The following AUTS2 variants were observed in gnomAD, a reference collection of about 807,000 sequenced individuals.
AUTS2 encodes autism susceptibility gene 2 protein.
AUTS2 carries 17 observed loss-of-function variants against 112.4 expected under a neutral mutation model. The ratio of observed to expected loss-of-function variants is 0.15; its 90% CI spans 0.10 to 0.23. The LOEUF (loss-of-function observed/expected upper bound fraction) is 0.23, where lower values mean the gene tolerates loss of function less well. Ranked by LOEUF, AUTS2 falls within the 10% of genes least tolerant of loss-of-function variation. The pLI is 1.00. For missense variants in AUTS2, 1,510 were observed against 1,701.6 expected (o/e 0.89, Z 1.98); for synonymous variants, 751 against 702.7 (o/e 1.07, Z -1.09).
intron 4 of AUTS2, among the ~76,000 whole-genome samples, chr7:70,378,052 A>C (rs1793198697): frequency 6.6e-6 from 1 of 151,982 alleles, no homozygotes; most frequent in Non-Finnish European, 1.5e-5. Flanking sequence ...CTGGTATTAC[A>C]GGCGTGAGCC....
rs371714496 is a variant in AUTS2 at position 70,764,879 on chromosome 7, C to T, written c.1342C>T (p.Leu448Phe). 16 of 1,602,492 alleles carry T rather than the reference C, an allele frequency of 1.0e-5. No individual in the cohort carries two copies. The African/African-American group carries it at 1.6e-4, about 16-fold the overall frequency. The change falls in exon 8 of 19, where the codon CTC (leucine) becomes TTC (phenylalanine). Residue 448 changes from leucine to phenylalanine, a missense_variant. Around this residue, in one of 3 missense-constraint regions of AUTS2, gnomAD observed 535 missense variants for 594.3 expected, o/e 0.90. Coordinates refer to ENST00000342771, the MANE Select transcript of AUTS2 (RefSeq NM_015570.4). ...CCCCCTGCACAGCTTCACACCCACC[C>T]TCCAGCCCCCCGCACACTCACATCA... The part of the protein sequence containing the change: ...HSPLHSFTPT[L>F]QPPAHSHHPN...
chr7:70,615,385 C>G (rs543496002), intron 5 of AUTS2, among the ~76,000 whole-genome samples: 1 of 152,180 alleles, frequency 6.6e-6, no homozygotes, highest in African/African-American at 2.4e-5. Context: ...CAACTTCTGT[C>G]GAACTAAGAC....
At position 70,753,981 on chromosome 7, in the gene AUTS2, C is replaced by T. The variant is rs1789026276; in HGVS notation, c.743-8889C>T. Among the ~76,000 whole-genome samples, 3 of 151,054 alleles carry T rather than the reference C, an allele frequency of 2.0e-5. No individual in the cohort carries two copies. The South Asian group carries it at 6.3e-4, about 32-fold the overall frequency. On this transcript the variant is annotated intron_variant, in intron 6 of 18. Coordinates refer to ENST00000342771, the MANE Select transcript of AUTS2 (RefSeq NM_015570.4). Reference sequence around the variant, plus strand: ...ACCATCCTGGCTAACACGGTGAAACCCCGTCTCTATTAAAAATACAAAAAA... The same window carrying T: ...ACCATCCTGGCTAACACGGTGAAACTCCGTCTCTATTAAAAATACAAAAAA...
chr7:70,504,530 A>T (rs1798889187), intron 5 of AUTS2, among the ~76,000 whole-genome samples: 1 of 152,198 alleles, frequency 6.6e-6, no homozygotes. Flanking sequence ...ATAGCAGTGT[A>T]GATGTGTGAG....
At chr7:70,110,124 A>T (rs1460639656) in intron 2 of AUTS2, among the ~76,000 whole-genome samples, 1 of 152,228 alleles carries the variant, frequency 6.6e-6, no homozygotes, top group Non-Finnish European at 1.5e-5. Flanking sequence ...TATAGTAATG[A>T]TGTCAAAGTC....
chr7:69,625,635 G>T (rs907914834), intron 1 of AUTS2, among the ~76,000 whole-genome samples: 8 of 152,160 alleles, frequency 5.3e-5, no homozygotes, highest in Non-Finnish European at 1.0e-4. Context: ...GAGGCTGGAG[G>T]ATCCCTTGAG....
intron 2 of AUTS2, among the ~76,000 whole-genome samples, chr7:69,940,081 T>C (rs888335110): frequency 2.0e-5 from 3 of 152,200 alleles, no homozygotes; most frequent in South Asian, 4.2e-4. Context: ...ATGCTATTAT[T>C]ATCATTTCTA....
intron 5 of AUTS2, among the ~76,000 whole-genome samples, chr7:70,445,163 G>A (rs376846861): frequency 6.6e-6 from 1 of 152,112 alleles, no homozygotes; most frequent in East Asian, 1.9e-4. Flanking sequence ...CTCTGTTAGG[G>A]CTTTTCAAGG....
chr7:70,467,007 A>G (rs1201429863), intron 5 of AUTS2, among the ~76,000 whole-genome samples: 1 of 152,240 alleles, frequency 6.6e-6, no homozygotes, highest in East Asian at 1.9e-4. Flanking sequence ...AGATCAAATA[A>G]GCAAGATTTG....
chr7:70,414,026 G>A (rs990212643), intron 4 of AUTS2, among the ~76,000 whole-genome samples: 1 of 152,152 alleles, frequency 6.6e-6, no homozygotes, highest in African/African-American at 2.4e-5. Context: ...AAAAGAACAA[G>A]GAGACTTCAG....
chr7:70,092,443 A>G (rs961394273), intron 2 of AUTS2, among the ~76,000 whole-genome samples: 2 of 152,090 alleles, frequency 1.3e-5, no homozygotes, highest in African/African-American at 4.8e-5. Context: ...ACATCCATAT[A>G]CTGGAAGTCC....
chr7:70,546,713 A>G (rs1800800099), intron 5 of AUTS2, among the ~76,000 whole-genome samples: 1 of 151,440 alleles, frequency 6.6e-6, no homozygotes, highest in Admixed American at 6.6e-5. Flanking sequence ...CGGGAGGTGG[A>G]GCTTTCAGTG....
rs1007095366 is a variant in AUTS2, at chr7:70,188,282, C to A, written c.660+53711C>A. ...CCACAGCTGTTCCTTGAGTAAGATC[C>A]GGGCTTGAAAGGCCAAGTTCTTCTA... On this transcript the variant is annotated intron_variant, in intron 4 of 18. Coordinates refer to ENST00000342771, the MANE Select transcript of AUTS2 (RefSeq NM_015570.4). Among the ~76,000 whole-genome samples, 30 of 152,164 alleles carry A rather than the reference C, an allele frequency of 2.0e-4. 1 individual carries two copies. The highest frequency in any genetic ancestry group is 7.2e-4 in the African/African-American group (30 of 41,502).
intron 6 of AUTS2, among the ~76,000 whole-genome samples, chr7:70,721,459 C>T (rs34942772): frequency 0.12 from 18,523 of 152,022 alleles, 1,634 homozygotes; most frequent in East Asian, 0.38. Flanking sequence ...CCACAATGCC[C>T]GGCTGATTTT....
chr7:70,439,121 G>A (rs1796016106), intron 5 of AUTS2, among the ~76,000 whole-genome samples: 1 of 152,184 alleles, frequency 6.6e-6, no homozygotes, highest in Non-Finnish European at 1.5e-5. Flanking sequence ...CTAAATGCAG[G>A]AGACACACTT....
At chr7:70,228,159 A>G (rs1201518704) in intron 4 of AUTS2, among the ~76,000 whole-genome samples, 1 of 151,550 alleles carries the variant, frequency 6.6e-6, no homozygotes, top group Non-Finnish European at 1.5e-5. Flanking sequence ...TATCATTATA[A>G]AATCTCTTTG....
chr7:70,159,086 C>T (rs1302096543), intron 4 of AUTS2, among the ~76,000 whole-genome samples: 4 of 152,134 alleles, frequency 2.6e-5, no homozygotes, highest in Non-Finnish European at 5.9e-5. Flanking sequence ...TTATTTTAAT[C>T]ATCTCCTCTC....
intron 2 of AUTS2, among the ~76,000 whole-genome samples, chr7:70,092,600 G>T (rs1458784561): frequency 6.6e-6 from 1 of 152,174 alleles, no homozygotes; most frequent in African/African-American, 2.4e-5. Context: ...ATGAGCTTAA[G>T]AGAGTGTGAG....
rs556505039 is a variant in AUTS2 at position 69,917,518 on chromosome 7, G to T, written c.522+18020G>T. Reference sequence around the variant, plus strand: ...AAAGGGATCCCCTATAGCTTTAAGGGGCCTGCTGGTTTTTTGTTAACATGG... The same window carrying T: ...AAAGGGATCCCCTATAGCTTTAAGGTGCCTGCTGGTTTTTTGTTAACATGG... On this transcript the variant is annotated intron_variant, in intron 2 of 18. Transcript: ENST00000342771. Among the ~76,000 whole-genome samples the T allele has an allele frequency of 1.8e-4, 27 of 146,432 alleles. 1 individual carries two copies. Among genetic ancestry groups the T allele is most frequent in the South Asian group, 4.2e-4 (2 of 4,798 alleles).
Sources: gnomAD v4.1 joint callset for allele counts (sites outside exome capture counted in the v4.1 genomes callset) on GRCh38, gnomAD v4.1.1 for gene constraint, gnomAD v4.1.1 regional missense constraint, MANE v1.5 for transcripts, NCBI Gene and HGNC (gene_info 2026-07-23, HGNC 2026-07-21) for gene names.